DIAPH3: variants seen among roughly 807,000 people sequenced by gnomAD.
DIAPH3 encodes diaphanous related formin 3.
A neutral mutation model predicts 144.3 loss-of-function variants in DIAPH3; 117 were observed. That is an observed-to-expected ratio of 0.81 (90% CI 0.70 to 0.95). DIAPH3 has a LOEUF of 0.95. Ranked by LOEUF, DIAPH3 falls within the 40% of genes least tolerant of loss-of-function variation. The pLI, the probability that DIAPH3 is intolerant of heterozygous loss-of-function variation, is 0.00. For missense variants in DIAPH3, 1,421 were observed against 1,412.7 expected, an observed-to-expected ratio of 1.01 and a Z score of -0.09; for synonymous variants, 519 against 488.9, an observed-to-expected ratio of 1.06 and a Z score of -0.81.
intron 5 of DIAPH3, among the ~76,000 whole-genome samples, chr13:60,024,004 T>C (rs1455465558): frequency 2.6e-5 from 4 of 151,454 alleles, no homozygotes; most frequent in African/African-American, 7.3e-5. Context: ...TACAGGCACG[T>C]GCCACCACGC....
intron 9 of DIAPH3, among the ~76,000 whole-genome samples, chr13:59,994,199 C>G (rs2052038223): frequency 6.6e-6 from 1 of 151,890 alleles, no homozygotes; most frequent in African/African-American, 2.4e-5. Context: ...CTTCCCAATT[C>G]TAATCATAAT....
chr13:60,130,284 A>G (rs1218459028), intron 2 of DIAPH3, among the ~76,000 whole-genome samples: 1 of 152,210 alleles, frequency 6.6e-6, no homozygotes, highest in African/African-American at 2.4e-5. Context: ...ACAGATGCCT[A>G]AACTAGGCTA....
intron 4 of DIAPH3, among the ~76,000 whole-genome samples, chr13:60,043,374 T>A (rs1487800830): frequency 6.6e-6 from 1 of 152,112 alleles, no homozygotes; most frequent in Non-Finnish European, 1.5e-5. Flanking sequence ...AGAAAGAACA[T>A]CTAACTTGGC....
chr13:60,115,338 G>A (rs1022171656), intron 2 of DIAPH3, among the ~76,000 whole-genome samples: 3 of 152,068 alleles, frequency 2.0e-5, no homozygotes, highest in East Asian at 1.9e-4. Context: ...CAGGGTTTAC[G>A]GTATTGCACT....
intron 5 of DIAPH3, among the ~76,000 whole-genome samples, chr13:60,029,654 G>T (rs546896481): frequency 6.6e-6 from 1 of 152,318 alleles, no homozygotes; most frequent in East Asian, 1.9e-4. Context: ...CTTCTGCCAT[G>T]ATTGTAAGTT....
intron 24 of DIAPH3, among the ~76,000 whole-genome samples, chr13:59,827,902 C>G (rs1392668821): frequency 6.6e-6 from 1 of 151,978 alleles, no homozygotes; most frequent in Non-Finnish European, 1.5e-5. Flanking sequence ...TGAGGTTGCT[C>G]ACAAGATCCA....
intron 27 of DIAPH3, among the ~76,000 whole-genome samples, chr13:59,686,543 C>T (rs1303001716): frequency 2.0e-5 from 3 of 151,308 alleles, no homozygotes; most frequent in Non-Finnish European, 2.9e-5. Flanking sequence ...ATTTAATAAA[C>T]TCAAGGATCT....
intron 21 of DIAPH3, among the ~76,000 whole-genome samples, chr13:59,873,735 C>T (rs1205705313): frequency 2.1e-5 from 3 of 145,278 alleles, no homozygotes; most frequent in African/African-American, 5.2e-5. Context: ...GGCATGATCT[C>T]GGCTCACTGC....
intron 17 of DIAPH3, among the ~76,000 whole-genome samples, chr13:59,948,038 G>A (rs764525113): frequency 1.3e-5 from 2 of 152,042 alleles, no homozygotes; most frequent in African/African-American, 2.4e-5. Flanking sequence ...ATCATACCAG[G>A]CACTCAACAG....
intron 25 of DIAPH3, among the ~76,000 whole-genome samples, chr13:59,803,541 G>T (rs2040046362): frequency 6.6e-6 from 1 of 152,074 alleles, no homozygotes; most frequent in African/African-American, 2.4e-5. Context: ...CTTAACAAGA[G>T]TGGCACTGAT....
chr13:59,952,320 A>G (rs1042615450), intron 17 of DIAPH3, among the ~76,000 whole-genome samples: 1 of 152,154 alleles, frequency 6.6e-6, no homozygotes, highest in African/African-American at 2.4e-5. Context: ...TTAGAACTAG[A>G]TAGAGGCCGT....
At chr13:59,728,196 A>AC (rs1255069866) in intron 27 of DIAPH3, among the ~76,000 whole-genome samples, 2 of 151,642 alleles carry the variant, frequency 1.3e-5, no homozygotes, top group Non-Finnish European at 2.9e-5. Flanking sequence ...AAGGCTAGAC[A>AC]CCCCCACTGG....
chr13:60,112,047 G>A lies in DIAPH3; in HGVS notation c.353C>T (p.Ser118Leu). The stretch of plus-strand genomic sequence containing the variant: ...AAAAAGTTCTAAGAGTTCATTCTCT[G>A]ACAGTGGCTTTGGAAAGTTCTCCAT... ...EMMENFPKPL[S>L]ENELLELFEK... is the part of the protein sequence containing the mutation. The change falls in exon 3 of 28, where the codon TCA becomes TTA. Residue 118 changes from serine to leucine, a missense_variant. Coordinates refer to ENST00000400324, the MANE Select transcript of DIAPH3 (RefSeq NM_001042517.2). 6.2e-7 allele frequency: 1 copy of A among 1,614,036 alleles called. No individual in the cohort carries two copies. Among genetic ancestry groups the A allele is most frequent in the Non-Finnish European group, 8.5e-7 (1 of 1,179,950 alleles).
At chr13:59,778,116 T>C (rs1470857197) in intron 25 of DIAPH3, among the ~76,000 whole-genome samples, 1 of 152,066 alleles carries the variant, frequency 6.6e-6, no homozygotes, top group East Asian at 1.9e-4. Context: ...TATTACTTCA[T>C]GCCTTTGAAC....
rs78842404 is a variant in DIAPH3, at chr13:59,787,048, C to T, written c.3164-12225G>A. 2.8e-3 allele frequency among the ~76,000 whole-genome samples: 419 copies of T among 152,222 alleles called. 1 individual carries two copies. Among genetic ancestry groups the T allele is most frequent in the African/African-American group, 9.4e-3 (390 of 41,536 alleles). ...CCCAGGAAGTTGAGGCTGCAGTGACCCGTAGCTGAGCCACTGCACTGCAGC... is the reference window on the plus strand; with the variant it reads ...CCCAGGAAGTTGAGGCTGCAGTGACTCGTAGCTGAGCCACTGCACTGCAGC... On this transcript the variant is annotated intron_variant, in intron 25 of 27. Coordinates refer to ENST00000400324, the MANE Select transcript of DIAPH3 (RefSeq NM_001042517.2).
chr13:60,041,555 G>A (rs185012524), intron 5 of DIAPH3, among the ~76,000 whole-genome samples: 13 of 151,994 alleles, frequency 8.6e-5, no homozygotes, highest in South Asian at 4.2e-4. Context: ...ATACATGTAC[G>A]GTCAAAGATT....
chr13:60,097,999 A>T (rs1265347410), intron 3 of DIAPH3, among the ~76,000 whole-genome samples: 2 of 152,196 alleles, frequency 1.3e-5, no homozygotes, highest in African/African-American at 4.8e-5. Context: ...AAAAATGCAT[A>T]TCCATATTTT....
In DIAPH3 at chr13:60,119,704, G is replaced by A. The variant is rs1419014437; in HGVS notation, c.214-7518C>T. On this transcript the variant is annotated intron_variant, in intron 2 of 27. Transcript: ENST00000400324. ...GGAGCTTGCAGTGAGCCGAGATCCC[G>A]CCACTGCACTCCAGCCTGGGCGACA... 8.1e-5 allele frequency among the ~76,000 whole-genome samples: 10 copies of A among 122,708 alleles called. No individual in the cohort carries two copies. The South Asian group carries it at 2.7e-3, about 34-fold the overall frequency. The allele number at this position is 122,708 out of a possible 152,430, so 80.5% of individuals were successfully genotyped here.
Position 60,008,604 on chromosome 13 carries a change from T to C in DIAPH3, c.954A>G (p.Lys318=), listed in dbSNP as rs1472395888. Residue 318 remains lysine (K), a synonymous_variant, in exon 9 of 28, where the codon AAA becomes AAG. Coordinates refer to ENST00000400324, the MANE Select transcript of DIAPH3 (RefSeq NM_001042517.2). ...LEALTSAGEE[K]KIDRFFCIVE... is the part of the protein sequence containing the mutation. ...CAATACAAAAAAATCTGTCAATTTT[T>C]TTTTCTTCACCAGCTGAAGTTAAAG... 1 of 1,613,832 alleles carries C rather than the reference T, an allele frequency of 6.2e-7. No individual in the cohort carries two copies. The highest frequency in any genetic ancestry group is 8.5e-7 in the Non-Finnish European group (1 of 1,179,886).
Sources: gnomAD v4.1 joint callset for allele counts (sites outside exome capture counted in the v4.1 genomes callset) on GRCh38, gnomAD v4.1.1 for gene constraint, MANE v1.5 for transcripts, NCBI Gene and HGNC (gene_info 2026-07-23, HGNC 2026-07-21) for gene names.